The following FYB1 variants were observed in gnomAD, a reference collection of about 807,000 sequenced individuals.
FYB1 encodes FYN-binding protein 1.
Under a neutral mutation model 94.1 loss-of-function variants are expected in FYB1, and 41 were observed. The ratio of observed to expected loss-of-function variants is 0.44; its 90% CI spans 0.34 to 0.57. The LOEUF is 0.57. Among genes scored for constraint, FYB1 ranks in the 20% least tolerant of loss-of-function variants. The probability of loss-of-function intolerance (pLI) is 0.02; values close to 1 mark genes in which losing one functional copy is unlikely to be tolerated. For synonymous variants in FYB1, 367 were observed against 353.2 expected (o/e 1.04, Z -0.44); for missense variants, 1,050 against 976.8 (o/e 1.07, Z -1.00).
At chr5:39,111,168 T>C (rs2150256743) in intron 16 of FYB1, among the ~76,000 whole-genome samples, 1 of 152,108 alleles carries the variant, frequency 6.6e-6, no homozygotes, top group African/African-American at 2.4e-5. Context: ...AAATAGGAAC[T>C]ATTTTTCTTA....
chr5:39,203,604 A>T (rs1748579906), intron 1 of FYB1, among the ~76,000 whole-genome samples: 1 of 152,048 alleles, frequency 6.6e-6, no homozygotes, highest in East Asian at 1.9e-4. Flanking sequence ...TCTTCTCCTT[A>T]TTTGTAATTA....
chr5:39,137,949 T>C (rs762715625), intron 6 of FYB1: 3 of 514,714 alleles, frequency 5.8e-6, no homozygotes, highest in Non-Finnish European at 1.0e-5. Context: ...TGACAACTTG[T>C]GCCAGCAAGT....
rs561326838 is a variant in FYB1 at position 39,154,575 on chromosome 5, C to T, written c.1136-971G>A. On this transcript the variant is annotated intron_variant, in intron 2 of 18. Transcript: ENST00000512982. The stretch of plus-strand genomic sequence containing the variant: ...AGGCTGGAGTGCAGCGGTGCGATCT[C>T]GGCTCACTGCAACCTCTGCCTCCCA... Among the ~76,000 whole-genome samples, 357 of 150,956 alleles carry T rather than the reference C, an allele frequency of 2.4e-3. 1 individual carries two copies. Among genetic ancestry groups the T allele is most frequent in the Middle Eastern group, 0.017 (5 of 290 alleles).
chr5:39,212,497 C>A (rs56281328), intron 1 of FYB1, among the ~76,000 whole-genome samples: 13,732 of 152,144 alleles, frequency 0.09, 713 homozygotes, highest in Non-Finnish European at 0.11. Context: ...GATATCCTCC[C>A]TGCCCTCAAC....
chr5:39,197,130 G>T (rs896209961), intron 2 of FYB1, among the ~76,000 whole-genome samples: 4 of 152,178 alleles, frequency 2.6e-5, no homozygotes, highest in Non-Finnish European at 5.9e-5. Context: ...TTAGATGAAT[G>T]TTTGTTAATT....
chr5:39,272,142 A>T (rs1419977617), intron 1 of FYB1, among the ~76,000 whole-genome samples: 3 of 152,140 alleles, frequency 2.0e-5, no homozygotes, highest in Non-Finnish European at 4.4e-5. Flanking sequence ...TTATTATATG[A>T]AAATCTGGGG....
At chr5:39,181,674 C>A (rs375627048) in intron 2 of FYB1, among the ~76,000 whole-genome samples, 3 of 152,302 alleles carry the variant, frequency 2.0e-5, no homozygotes, top group African/African-American at 7.2e-5. Context: ...GTCACTCTCT[C>A]AAAACCTGTG....
At position 39,172,890 on chromosome 5, in the gene FYB1, A is replaced by G. The variant is rs189841626; in HGVS notation, c.1136-19286T>C. On this transcript the variant is annotated intron_variant, in intron 2 of 18. Transcript: ENST00000512982. ...TTAATTGCATGTCTTTGCTATTGTG[A>G]ATAGAGCTGCAATGAACCTACAAGT... Among the ~76,000 whole-genome samples, 457 of 152,240 alleles carry G rather than the reference A, an allele frequency of 3.0e-3. 6 individuals are homozygous for G. The highest frequency in any genetic ancestry group is 0.01 in the African/African-American group (432 of 41,534).
At chr5:39,159,979 A>G (rs1222173628) in intron 2 of FYB1, among the ~76,000 whole-genome samples, 1 of 152,126 alleles carries the variant, frequency 6.6e-6, no homozygotes, top group African/African-American at 2.4e-5. Flanking sequence ...ATACCAGCTG[A>G]TTTTGTTCCT....
At chr5:39,114,347 A>G (rs541195539) in intron 16 of FYB1, among the ~76,000 whole-genome samples, 1 of 152,320 alleles carries the variant, frequency 6.6e-6, no homozygotes, top group Admixed American at 6.5e-5. Flanking sequence ...ACACAGTAGG[A>G]ACTTCTACAA....
chr5:39,258,229 A>T (rs1040903705), intron 1 of FYB1, among the ~76,000 whole-genome samples: 1 of 152,180 alleles, frequency 6.6e-6, no homozygotes, highest in Non-Finnish European at 1.5e-5. Context: ...ATCTACCCTG[A>T]TGCTGAAACA....
chr5:39,202,964 G>A lies in FYB1; in HGVS notation c.-4C>T. 7 of 1,613,560 alleles carry A rather than the reference G, an allele frequency of 4.3e-6. No homozygotes were observed. The highest frequency in any genetic ancestry group is 2.2e-5 in the East Asian group (1 of 44,874). On this transcript the variant is annotated 5_prime_UTR_variant, in exon 2 of 19. Transcript: ENST00000512982. ...CCCCCGTGTTATATTTCGCCATGAG[G>A]GACTTTACATCTGCCTTTCCATCCT...
chr5:39,215,688 T>A (rs1464194292), intron 1 of FYB1, among the ~76,000 whole-genome samples: 1 of 152,196 alleles, frequency 6.6e-6, no homozygotes, highest in African/African-American at 2.4e-5. Flanking sequence ...GTGGCAGAAA[T>A]TCAGTGGCAA....
chr5:39,187,831 G>T (rs2150447413), intron 2 of FYB1, among the ~76,000 whole-genome samples: 1 of 86,012 alleles, frequency 1.2e-5, no homozygotes, highest in Non-Finnish European at 2.4e-5. Context: ...ACCACCAGTA[G>T]TGCTAAGTTT....
upstream of FYB1, among the ~76,000 whole-genome samples, chr5:39,224,028 CT>C (rs756004053): frequency 2.0e-5 from 3 of 152,146 alleles, no homozygotes; most frequent in Admixed American, 1.3e-4. Context: ...AATGTGCTTG[CT>C]TCTCTGTCCT....
At chr5:39,181,256 A>G (rs1280033625) in intron 2 of FYB1, among the ~76,000 whole-genome samples, 4 of 152,226 alleles carry the variant, frequency 2.6e-5, no homozygotes, top group Non-Finnish European at 5.9e-5. Context: ...TGAGAAGATG[A>G]AAATGTTCAA....
Position 39,202,071 on chromosome 5 carries a change from C to T in FYB1, c.890G>A (p.Ser297Asn), listed in dbSNP as rs917061676. The T allele has an allele frequency of 2.5e-6, 4 of 1,613,910 alleles. No homozygotes were observed. Among genetic ancestry groups the T allele is most frequent in the East Asian group, 2.2e-5 (1 of 44,884 alleles). The change falls in exon 2 of 19, where the codon AGC becomes AAC. Residue 297 changes from serine (S) to asparagine (N), a missense_variant. Ser to Asn is a conservative substitution (Grantham distance 46, BLOSUM62 1). Coordinates refer to ENST00000512982, the MANE Select transcript of FYB1 (RefSeq NM_001465.6). ...KIDAAKNTFQSKINQEELASG... is the reference protein window; with the variant it reads ...KIDAAKNTFQNKINQEELASG... Reference sequence around the variant, plus strand: ...GGCCAACTCTTCCTGATTTATTTTGCTCTGGAAGGTGTTCTTAGCAGCATC... The same window carrying T: ...GGCCAACTCTTCCTGATTTATTTTGTTCTGGAAGGTGTTCTTAGCAGCATC...
At chr5:39,272,524 T>C (rs1025401030) in intron 1 of FYB1, among the ~76,000 whole-genome samples, 3 of 150,460 alleles carry the variant, frequency 2.0e-5, no homozygotes, top group Admixed American at 6.6e-5. Flanking sequence ...TACAAAAAAT[T>C]AGCTGGGCCT....
chr5:39,163,800 G>A (rs1186292738), intron 2 of FYB1, among the ~76,000 whole-genome samples: 1 of 151,966 alleles, frequency 6.6e-6, no homozygotes, highest in East Asian at 1.9e-4. Context: ...ATTACAGGGT[G>A]TCTCTTCCCT....
Sources: gnomAD v4.1 joint callset for allele counts (sites outside exome capture counted in the v4.1 genomes callset) on GRCh38, gnomAD v4.1.1 for gene constraint, MANE v1.5 for transcripts, NCBI Gene and HGNC (gene_info 2026-07-23, HGNC 2026-07-21) for gene names.